SOX30: variants seen among roughly 807,000 people sequenced by gnomAD.
The protein encoded by SOX30 is transcription factor SOX-30.
A neutral mutation model predicts 58.6 loss-of-function variants in SOX30; 17 were observed. The observed-to-expected ratio is 0.29, with a 90% CI of 0.20 to 0.44. The LOEUF (loss-of-function observed/expected upper bound fraction) is 0.44, where lower values mean the gene tolerates loss of function less well. Ranked by LOEUF, SOX30 falls within the 20% of genes least tolerant of loss-of-function variation. The pLI is 1.00. For synonymous variants in SOX30, 421 were observed against 400.2 expected (o/e 1.05, Z -0.62); for missense variants, 951 against 965.8 (o/e 0.98, Z 0.20).
intron 2 of SOX30, among the ~76,000 whole-genome samples, chr5:157,664,537 A>T (rs1329761631): frequency 6.6e-6 from 1 of 152,256 alleles, no homozygotes; most frequent in Non-Finnish European, 1.5e-5. Flanking sequence ...GGCGTGGGCA[A>T]GGACTTCATG....
At chr5:157,634,557 T>C (rs1219176470) in intron 4 of SOX30, among the ~76,000 whole-genome samples, 2 of 151,974 alleles carry the variant, frequency 1.3e-5, no homozygotes, top group African/African-American at 2.4e-5. Flanking sequence ...TATATACATA[T>C]ATACACAAAA....
At chr5:157,665,608 A>G (rs1759654991) in intron 2 of SOX30, among the ~76,000 whole-genome samples, 1 of 148,572 alleles carries the variant, frequency 6.7e-6, no homozygotes. Context: ...TAAAAAATAA[A>G]ATAAAATAAA....
chr5:157,631,016 A>G (rs1042760949), intron 4 of SOX30, among the ~76,000 whole-genome samples: 3 of 123,446 alleles, frequency 2.4e-5, no homozygotes, highest in Non-Finnish European at 3.2e-5. Context: ...TATATACTAT[A>G]TATTTTATAT....
At chr5:157,637,778 C>T (rs1362166094) in intron 4 of SOX30, among the ~76,000 whole-genome samples, 2 of 152,034 alleles carry the variant, frequency 1.3e-5, no homozygotes, top group Admixed American at 6.6e-5. Flanking sequence ...ACTGCAACCT[C>T]CGCCTCCCAG....
Position 157,651,728 on chromosome 5 carries a change from G to A in SOX30, c.351C>T (p.Asp117=), listed in dbSNP as rs1196676218. The A allele has an allele frequency of 3.8e-6, 6 of 1,566,300 alleles. No individual in the cohort carries two copies. Among genetic ancestry groups the A allele is most frequent in the Non-Finnish European group, 5.2e-6 (6 of 1,158,542 alleles). ...LRLLQPPTAS[D]GATSRPELHP... ...GCAACTCGGGCCTGGAGGTGGCGCC[G>A]TCTGACGCTGTCGGCGGCTGCAGGA... is the stretch of plus-strand genomic sequence containing the variant. The change falls in exon 1 of 5, where the codon GAC becomes GAT. Residue 117 remains aspartate (D), a synonymous_variant. Transcript: ENST00000265007.
At chr5:157,648,612 T>C in intron 2 of SOX30, 45 bp downstream of exon 2, 1 of 1,571,536 alleles carries the variant, frequency 6.4e-7, no homozygotes, top group Non-Finnish European at 8.7e-7. Flanking sequence ...TTTAACTAAA[T>C]AAATTCATTT....
At chr5:157,632,046 CTAAAAAAA>C (rs1561578917) in intron 4 of SOX30, among the ~76,000 whole-genome samples, 1 of 18,948 alleles carries the variant, frequency 5.3e-5, no homozygotes, top group African/African-American at 5.2e-4. Flanking sequence ...CACCCCGTAA[CTAAAAAAA>C]AAAAAAAAAA....
chr5:157,648,970 A>T, intron 1 of SOX30, 74 bp from the exon 2 acceptor site: 4 of 1,499,292 alleles, frequency 2.7e-6, no homozygotes, highest in South Asian at 1.4e-5. Context: ...GGTAAAGTGC[A>T]CCTCCGTCTA....
intron 3 of SOX30, among the ~76,000 whole-genome samples, chr5:157,639,739 T>C (rs1000870612): frequency 3.3e-5 from 5 of 152,196 alleles, no homozygotes; most frequent in South Asian, 2.1e-4. Flanking sequence ...ATCTAACGTA[T>C]TGCAATACAG....
At chr5:157,663,957 AAAAAT>A (rs1334576700) in intron 2 of SOX30, among the ~76,000 whole-genome samples, 1 of 152,210 alleles carries the variant, frequency 6.6e-6, no homozygotes, top group African/African-American at 2.4e-5. Context: ...AGAGGACAAA[AAAAAT>A]GAAAGAACAT....
At chr5:157,658,901 C>T (rs1232564413) in intron 2 of SOX30, among the ~76,000 whole-genome samples, 1 of 152,164 alleles carries the variant, frequency 6.6e-6, no homozygotes, top group African/African-American at 2.4e-5. Flanking sequence ...AGGTCATAAA[C>T]AGCTTGCAGA....
At chr5:157,667,759 TACATAC>T (rs755191464) in intron 2 of SOX30, 5,395 of 1,386,974 alleles carry the variant, frequency 3.9e-3, no homozygotes, top group Non-Finnish European at 4.0e-3. Flanking sequence ...CATACATACA[TACATAC>T]ACACACACAC....
chr5:157,629,030 G>C (rs1758727220), intron 4 of SOX30, among the ~76,000 whole-genome samples: 1 of 152,196 alleles, frequency 6.6e-6, no homozygotes, highest in South Asian at 2.1e-4. Flanking sequence ...GGGATGAAAA[G>C]AGGCTGACTA....
chr5:157,626,334 T>C lies in SOX30; in HGVS notation c.*6A>G, dbSNP rs747307929. On this transcript the variant is annotated 3_prime_UTR_variant, in exon 5 of 5. Transcript: ENST00000265007. The stretch of plus-strand genomic sequence containing the variant: ...TGTTTATTTTCTGTGCATATTTGTT[T>C]TAAAATTATAAATCCCTGAGCACTT... 6.3e-7 allele frequency: 1 copy of C among 1,587,598 alleles called. No homozygotes were observed. The highest frequency in any genetic ancestry group is 1.4e-5 in the African/African-American group (1 of 73,476).
chr5:157,666,142 GT>G (rs888459274), intron 2 of SOX30, among the ~76,000 whole-genome samples: 19 of 151,976 alleles, frequency 1.3e-4, no homozygotes, highest in Admixed American at 1.0e-3. Flanking sequence ...AAAGGTTTTT[GT>G]TTTTTGTTTT....
intron 2 of SOX30, among the ~76,000 whole-genome samples, chr5:157,658,595 C>A (rs1759524139): frequency 6.6e-6 from 1 of 152,200 alleles, no homozygotes; most frequent in African/African-American, 2.4e-5. Context: ...TCTGACTGAG[C>A]TCCTCTCTAC....
Position 157,667,456 on chromosome 5 carries a change from G to A in SOX30, c.52+342C>T, listed in dbSNP as rs186578869. Reference sequence around the variant, plus strand: ...AACCAGTTTAAAAACCTTGAGGCTGGGTATGGTGGTTCATGCCTGTAATCC... The same window carrying A: ...AACCAGTTTAAAAACCTTGAGGCTGAGTATGGTGGTTCATGCCTGTAATCC... On this transcript the variant is annotated intron_variant, in intron 2 of 5. Transcript: ENST00000519442. Among the ~76,000 whole-genome samples the A allele has an allele frequency of 2.6e-4, 40 of 152,270 alleles. No homozygotes were observed. In the East Asian group the frequency reaches 6.6e-3, roughly 25 times the overall value.
chr5:157,642,393 G>A (rs1343172281), intron 3 of SOX30, among the ~76,000 whole-genome samples: 1 of 151,572 alleles, frequency 6.6e-6, no homozygotes, highest in Non-Finnish European at 1.5e-5. Flanking sequence ...TGAATTCAGT[G>A]TGTGAAATAT....
At chr5:157,635,984 C>T (rs975171553) in intron 4 of SOX30, among the ~76,000 whole-genome samples, 13 of 152,302 alleles carry the variant, frequency 8.5e-5, no homozygotes, top group African/African-American at 2.9e-4. Context: ...TTGGCTCTGC[C>T]ACTGTACAAC....
Sources: allele counts gnomAD v4.1 joint callset (sites outside exome capture counted in the v4.1 genomes callset), GRCh38; gene constraint gnomAD v4.1.1; transcripts MANE v1.5; gene names NCBI Gene and HGNC (gene_info 2026-07-23, HGNC 2026-07-21).